IKZF3: variants seen among roughly 807,000 people sequenced by gnomAD.
The protein encoded by IKZF3 is IKAROS family zinc finger 3.
A neutral mutation model predicts 49.0 loss-of-function variants in IKZF3; 10 were observed. The observed-to-expected ratio is 0.20, with a 90% confidence interval of 0.13 to 0.35. IKZF3 has a LOEUF of 0.35. Ranked by LOEUF, IKZF3 falls within the 10% of genes least tolerant of loss-of-function variation. The pLI is 1.00. For synonymous variants in IKZF3, 209 were observed against 228.2 expected (o/e 0.92, Z 0.76); for missense variants, 498 against 664.8 (o/e 0.75, Z 2.76).
chr17:39,851,164 T>C (rs988224305), intron 1 of IKZF3, among the ~76,000 whole-genome samples: 1 of 151,388 alleles, frequency 6.6e-6, no homozygotes, highest in Non-Finnish European at 1.5e-5. Context: ...GTATTGGGAC[T>C]ACAGGAGCAC....
In IKZF3 at chr17:39,759,970, C is replaced by T. The variant is rs1403528021; in HGVS notation, c.*5820G>A. On this transcript the variant is annotated 3_prime_UTR_variant, in exon 8 of 8. Transcript: ENST00000346872. ...TTGAGCTCACAAGTCCCGATGCTGA[C>T]TCTTTGAGTCCTCAGATAGCCAGGC... The T allele has an allele frequency of 1.3e-5, 2 of 152,130 alleles. No individual in the cohort carries two copies. The highest frequency in any genetic ancestry group is 2.9e-5 in the Non-Finnish European group (2 of 68,030). 9.4% of individuals were successfully genotyped at this position (152,130 alleles called of 1,614,324 possible). A position where few individuals can be genotyped will look rare whatever the true frequency, so the allele number is the denominator to read the frequency against.
intron 1 of IKZF3, among the ~76,000 whole-genome samples, chr17:39,851,326 G>A (rs140720843): frequency 6.6e-6 from 1 of 152,084 alleles, no homozygotes; most frequent in Non-Finnish European, 1.5e-5. Context: ...AGCGTGCCTG[G>A]CCACCTAGGT....
chr17:39,793,064 A>G lies in IKZF3; in HGVS notation c.164-131T>C. 21 of 895,270 alleles carry G rather than the reference A, an allele frequency of 2.3e-5. No individual in the cohort carries two copies. The South Asian group carries it at 3.5e-4, about 15-fold the overall frequency. 55.5% of individuals were successfully genotyped at this position (895,270 alleles called of 1,614,324 possible). ...TAACAAAACACTGTACATCTACAAA[A>G]CAAGAAAGCACCATTAGCGTGACCG... On this transcript the variant is annotated intron_variant, in intron 3 of 7. Transcript: ENST00000346872.
intron 3 of IKZF3, among the ~76,000 whole-genome samples, chr17:39,816,991 G>C (rs1568015386): frequency 6.6e-6 from 1 of 152,210 alleles, no homozygotes; most frequent in Non-Finnish European, 1.5e-5. Flanking sequence ...TGGGATTACA[G>C]GCCTGAGCCA....
In IKZF3 at chr17:39,761,226, G is replaced by C. The variant is rs2060175346; in HGVS notation, c.*4564C>G. The C allele has an allele frequency of 6.6e-6, 1 of 152,198 alleles. No homozygotes were observed. Among genetic ancestry groups the C allele is most frequent in the Non-Finnish European group, 1.5e-5 (1 of 68,024 alleles). The allele number at this position is 152,198 out of a possible 1,614,324, so 9.4% of individuals were successfully genotyped here. A position where few individuals can be genotyped will look rare whatever the true frequency, so the allele number is the denominator to read the frequency against. On this transcript the variant is annotated 3_prime_UTR_variant, in exon 8 of 8. Coordinates refer to ENST00000346872, the MANE Select transcript of IKZF3 (RefSeq NM_012481.5). ...GGAACAGCTCACAGTGGGTCATAAAGCATAAGATTAGCTGGCTTATCTGTG... is the reference window on the plus strand; with the variant it reads ...GGAACAGCTCACAGTGGGTCATAAACCATAAGATTAGCTGGCTTATCTGTG...
intron 7 of IKZF3, among the ~76,000 whole-genome samples, chr17:39,771,443 TAC>T (rs1184974491): frequency 6.6e-6 from 1 of 152,248 alleles, no homozygotes; most frequent in Admixed American, 6.5e-5. Context: ...ATGCAGCATG[TAC>T]ATCATTTCAT....
chr17:39,823,765 G>A (rs2061876911), intron 3 of IKZF3, among the ~76,000 whole-genome samples: 1 of 152,182 alleles, frequency 6.6e-6, no homozygotes, highest in South Asian at 2.1e-4. Flanking sequence ...TTGAGCCTAT[G>A]GGTGCATAGA....
chr17:39,827,260 G>A (rs112437508), intron 3 of IKZF3, among the ~76,000 whole-genome samples: 3,633 of 152,032 alleles, frequency 0.024, 59 homozygotes, highest in Non-Finnish European at 0.036. Context: ...GCCTCTCAAA[G>A]TGCTGGGATT....
At chr17:39,789,915 AG>A (rs67817223) in intron 5 of IKZF3, among the ~76,000 whole-genome samples, 4,008 of 137,446 alleles carry the variant, frequency 0.029, 271 homozygotes, top group African/African-American at 0.092. Flanking sequence ...AAAAAAAAAA[AG>A]AGAGAAATAA....
chr17:39,819,646 A>G (rs1483243981), intron 3 of IKZF3, among the ~76,000 whole-genome samples: 1 of 152,192 alleles, frequency 6.6e-6, no homozygotes, highest in Non-Finnish European at 1.5e-5. Flanking sequence ...TAAGAAATTT[A>G]AGACAAAAGA....
Position 39,762,089 on chromosome 17 carries a change from TGAA to T in IKZF3, c.*3698_*3700del, listed in dbSNP as rs1888427510. 1 of 152,152 alleles carries T rather than the reference TGAA, an allele frequency of 6.6e-6. No individual in the cohort carries two copies. Among genetic ancestry groups the T allele is most frequent in the African/African-American group, 2.4e-5 (1 of 41,368 alleles). 9.4% of individuals were successfully genotyped at this position (152,152 alleles called of 1,614,324 possible). A position where few individuals can be genotyped will look rare whatever the true frequency, so the allele number is the denominator to read the frequency against. ...CGCCTGATAAGAGGCTGGTGGGAAA[TGAA>T]GGAGAGGGGCCTACAAGGCTCTTGT... On this transcript the variant is annotated 3_prime_UTR_variant, in exon 8 of 8. Coordinates refer to ENST00000346872, the MANE Select transcript of IKZF3 (RefSeq NM_012481.5).
chr17:39,781,616 G>A (rs946258148), intron 6 of IKZF3, among the ~76,000 whole-genome samples: 2 of 152,074 alleles, frequency 1.3e-5, no homozygotes, highest in African/African-American at 2.4e-5. Context: ...CTCAGCAGTC[G>A]CTGTCTACAT....
intron 3 of IKZF3, among the ~76,000 whole-genome samples, chr17:39,827,395 G>A (rs556128913): frequency 4.6e-5 from 7 of 152,036 alleles, no homozygotes; most frequent in Non-Finnish European, 8.8e-5. Context: ...CCAGGCTCAA[G>A]TGATCCTCCA....
chr17:39,832,958 TG>T (rs1446722598), intron 1 of IKZF3, among the ~76,000 whole-genome samples: 9 of 152,180 alleles, frequency 5.9e-5, no homozygotes, highest in African/African-American at 2.2e-4. Flanking sequence ...ATATATTCTA[TG>T]CATGTAACAA....
chr17:39,788,784 T>C (rs1161351843), intron 5 of IKZF3, among the ~76,000 whole-genome samples: 1 of 152,232 alleles, frequency 6.6e-6, no homozygotes, highest in African/African-American at 2.4e-5. Flanking sequence ...TAAGTAAAGA[T>C]TGCTGTAGTT....
At position 39,761,580 on chromosome 17, in the gene IKZF3, A is replaced by AT. The variant is rs1491341504; in HGVS notation, c.*4209_*4210insA. ...TATACATACATATATATACATATAC[A>AT]AAAAAAATAAAAATAAATTAAAAAA... On this transcript the variant is annotated 3_prime_UTR_variant, in exon 8 of 8. Transcript: ENST00000346872. The AT allele has an allele frequency of 3.2e-3, 490 of 151,006 alleles. 7 individuals are homozygous for AT. Among genetic ancestry groups the AT allele is most frequent in the African/African-American group, 0.012 (472 of 40,886 alleles). 9.4% of individuals were successfully genotyped at this position (151,006 alleles called of 1,614,324 possible). A position where few individuals can be genotyped will look rare whatever the true frequency, so the allele number is the denominator to read the frequency against.
At chr17:39,827,766 AC>A in intron 3 of IKZF3, among the ~76,000 whole-genome samples, 1 of 152,380 alleles carries the variant, frequency 6.6e-6, no homozygotes, top group South Asian at 2.1e-4. Flanking sequence ...GGAGCACTCT[AC>A]TTACAGCCCA....
chr17:39,782,859 A>G (rs1238676267), intron 6 of IKZF3, among the ~76,000 whole-genome samples: 2 of 152,196 alleles, frequency 1.3e-5, no homozygotes, highest in Admixed American at 1.3e-4. Flanking sequence ...CTTGCCTACT[A>G]AATAGTAGAC....
At chr17:39,858,751 A>G (rs891202548) in intron 1 of IKZF3, among the ~76,000 whole-genome samples, 1 of 151,792 alleles carries the variant, frequency 6.6e-6, no homozygotes, top group African/African-American at 2.4e-5. Flanking sequence ...TTAATATAAT[A>G]CGGTAATTCC....
Sources: gnomAD v4.1 joint callset for allele counts (sites outside exome capture counted in the v4.1 genomes callset) on GRCh38, gnomAD v4.1.1 for gene constraint, MANE v1.5 for transcripts, NCBI Gene and HGNC (gene_info 2026-07-23, HGNC 2026-07-21) for gene names.